SOX5: variants seen among roughly 807,000 people sequenced by gnomAD.
SOX5 encodes the protein SRY-box transcription factor 5.
A neutral mutation model predicts 92.0 loss-of-function variants in SOX5; 9 were observed. That is an observed-to-expected ratio of 0.10 (90% confidence interval 0.06 to 0.17). The LOEUF (loss-of-function observed/expected upper bound fraction) is 0.17. Among genes scored for constraint, SOX5 ranks in the 10% least tolerant of loss-of-function variants. SOX5 has a pLI of 1.00. For synonymous variants in SOX5, 344 were observed against 336.3 expected (o/e 1.02, Z -0.25); for missense variants, 642 against 944.5 (o/e 0.68, Z 4.20).
At chr12:24,186,597 T>C (rs1468749564) in intron 4 of SOX5, among the ~76,000 whole-genome samples, 1 of 152,074 alleles carries the variant, frequency 6.6e-6, no homozygotes, top group Non-Finnish European at 1.5e-5. Context: ...ATTGGATGCA[T>C]TAACTCTGGT....
chr12:24,017,913 G>T (rs886191790), intron 4 of SOX5, among the ~76,000 whole-genome samples: 1 of 152,092 alleles, frequency 6.6e-6, no homozygotes, highest in Non-Finnish European at 1.5e-5. Context: ...GCGTTGTCAG[G>T]GGACTAGGCA....
chr12:24,558,037 A>T (rs904985781), intron 1 of SOX5, among the ~76,000 whole-genome samples: 4 of 152,190 alleles, frequency 2.6e-5, no homozygotes, highest in African/African-American at 9.7e-5. Context: ...GTCCTCATGC[A>T]TGTAAATATT....
chr12:23,960,498 CAT>C (rs931803737), intron 4 of SOX5, among the ~76,000 whole-genome samples: 1 of 131,792 alleles, frequency 7.6e-6, no homozygotes, highest in African/African-American at 2.7e-5. Flanking sequence ...TATTTATATA[CAT>C]ATATATTTAT....
rs3030241 is a variant in SOX5, at chr12:23,611,369, CGTGTGTGTGT to C, written c.1018-6846_1018-6837del. Among the ~76,000 whole-genome samples, 457 of 137,092 alleles carry C rather than the reference CGTGTGTGTGT, an allele frequency of 3.3e-3. 1 individual carries two copies. Among genetic ancestry groups the C allele is most frequent in the African/African-American group, 0.011 (435 of 38,864 alleles). 89.9% of individuals were successfully genotyped at this position (137,092 alleles called of 152,430 possible). ...GTATTCCATCGTGTGTGTGTGTGTG[CGTGTGTGTGT>C]GTGTGTGTGTGTGTGTATTTATACA... On this transcript the variant is annotated intron_variant, in intron 8 of 14. Transcript: ENST00000451604.
chr12:23,603,743 T>C (rs1305240707), intron 9 of SOX5, among the ~76,000 whole-genome samples: 1 of 152,088 alleles, frequency 6.6e-6, no homozygotes, highest in Admixed American at 6.6e-5. Context: ...TAATGTTTTC[T>C]TAGCTTAAAA....
In SOX5 at chr12:23,640,850, C is replaced by T. The variant is rs757148177; in HGVS notation, c.979G>A (p.Ala327Thr). ...QLIPTTMAAA[A>T]AATPGLGPLQ... ...GGGCCTAAGCCTGGTGTTGCTGCGG[C>T]AGCAGCTGCCATGGTAGTTGGGATC... The change falls in exon 8 of 15, where the codon GCC becomes ACC. Residue 327 changes from alanine (A) to threonine (T), a missense_variant. Around this residue, in one of 8 missense-constraint regions of SOX5, gnomAD observed 324 missense variants for 461.6 expected, o/e 0.70. Coordinates refer to ENST00000451604, the MANE Select transcript of SOX5 (RefSeq NM_006940.6). 28 of 1,613,694 alleles carry T rather than the reference C, an allele frequency of 1.7e-5. No individual in the cohort carries two copies. The highest frequency in any genetic ancestry group is 1.7e-6 in the Non-Finnish European group (2 of 1,179,886).
chr12:24,490,319 C>T (rs776466750), intron 1 of SOX5, among the ~76,000 whole-genome samples: 6 of 152,096 alleles, frequency 3.9e-5, no homozygotes, highest in Non-Finnish European at 8.8e-5. Flanking sequence ...GGAATTTTGC[C>T]TTGTGATTTC....
intron 3 of SOX5, among the ~76,000 whole-genome samples, chr12:23,779,333 A>AT (rs1430753181): frequency 6.6e-6 from 1 of 150,866 alleles, no homozygotes; most frequent in Non-Finnish European, 1.5e-5. Context: ...AAATCATGTG[A>AT]TTTTACTTCC....
chr12:23,628,482 A>G (rs1253120595), intron 8 of SOX5, among the ~76,000 whole-genome samples: 1 of 152,116 alleles, frequency 6.6e-6, no homozygotes, highest in Non-Finnish European at 1.5e-5. Context: ...CTAGTAGTAG[A>G]GAAAGCAAGA....
chr12:24,050,084 CA>C (rs10687571), intron 4 of SOX5, among the ~76,000 whole-genome samples: 351 of 74,244 alleles, frequency 4.7e-3, no homozygotes, highest in African/African-American at 0.017. Context: ...GGCGCAGAGG[CA>C]AAAAAAAAAA....
At position 23,530,818 on chromosome 12, in the gene SOX5, T is replaced by TGTGTGTGTGTGTGTGTGTGTGCGTGCGC; in HGVS notation, c.*3400_*3401insGCGCACGCACACACACACACACACACAC. On this transcript the variant is annotated 3_prime_UTR_variant, in exon 15 of 15. Transcript: ENST00000451604. ...GGGCAAGTGTGTGTGTGTGTGTGTG[T>TGTGTGTGTGTGTGTGTGTGTGCGTGCGC]GCGCGCGCGCGCGCGCGCATGTGAG... 1 of 132,052 alleles carries TGTGTGTGTGTGTGTGTGTGTGCGTGCGC rather than the reference T, an allele frequency of 7.6e-6. No individual in the cohort carries two copies. The highest frequency in any genetic ancestry group is 2.8e-5 in the African/African-American group (1 of 36,114). The allele number at this position is 132,052 out of a possible 1,614,324, so 8.2% of individuals were successfully genotyped here. A position where few individuals can be genotyped will look rare whatever the true frequency, so the allele number is the denominator to read the frequency against.
intron 4 of SOX5, among the ~76,000 whole-genome samples, chr12:24,040,787 G>A (rs1956441833): frequency 6.6e-6 from 1 of 152,088 alleles, no homozygotes; most frequent in South Asian, 2.1e-4. Context: ...GCAGGAGAAT[G>A]GCGTACACCT....
At chr12:24,069,170 G>T (rs1339112743) in intron 4 of SOX5, among the ~76,000 whole-genome samples, 4 of 152,092 alleles carry the variant, frequency 2.6e-5, no homozygotes, top group African/African-American at 9.6e-5. Context: ...ATGTTTTTTA[G>T]CACTTTAAGT....
chr12:23,718,781 A>C (rs2140502091), intron 6 of SOX5, among the ~76,000 whole-genome samples: 1 of 152,356 alleles, frequency 6.6e-6, no homozygotes, highest in East Asian at 1.9e-4. Flanking sequence ...AGGAAAAGGA[A>C]AAGACTGAAA....
intron 1 of SOX5, among the ~76,000 whole-genome samples, chr12:24,428,726 CAAAAAAAAAA>C (rs57964050): frequency 1.0e-3 from 33 of 32,596 alleles, no homozygotes; most frequent in South Asian, 2.5e-3. Context: ...CTCTGTTTCT[CAAAAAAAAAA>C]AAAAAAAAAA....
chr12:24,165,763 A>G (rs182498911), intron 4 of SOX5, among the ~76,000 whole-genome samples: 5 of 152,212 alleles, frequency 3.3e-5, no homozygotes, highest in Admixed American at 2.6e-4. Context: ...GAGGAAGAAG[A>G]GAAAGAAAGG....
rs182443584 is a variant in SOX5 at position 23,535,346 on chromosome 12, C to G, written c.1989-824G>C. ...ACTGAGTCTCTGAAACAGTTCTGGCCTCGTAGTGGTAGGAAGCAGGAGCAG... is the reference window on the plus strand; with the variant it reads ...ACTGAGTCTCTGAAACAGTTCTGGCGTCGTAGTGGTAGGAAGCAGGAGCAG... On this transcript the variant is annotated intron_variant, in intron 14 of 14. Transcript: ENST00000451604. Among the ~76,000 whole-genome samples, 33 of 152,232 alleles carry G rather than the reference C, an allele frequency of 2.2e-4. No individual in the cohort carries two copies. In the East Asian group the frequency reaches 6.0e-3, roughly 28 times the overall value.
chr12:24,114,573 CAAAAAAAAAAAAAAAAA>C (rs55913110), intron 4 of SOX5, among the ~76,000 whole-genome samples: 9 of 40,592 alleles, frequency 2.2e-4, no homozygotes, highest in African/African-American at 2.8e-4. Flanking sequence ...CACCCCGTCA[CAAAAAAAAAAAAAAAAA>C]AAAAAAAAAA....
At chr12:23,722,389 G>C (rs1323474499) in intron 6 of SOX5, among the ~76,000 whole-genome samples, 1 of 152,126 alleles carries the variant, frequency 6.6e-6, no homozygotes, top group African/African-American at 2.4e-5. Flanking sequence ...CTCCCTCAGG[G>C]TAAAAATTAC....
Sources: gnomAD v4.1 joint callset for allele counts (sites outside exome capture counted in the v4.1 genomes callset) on GRCh38, gnomAD v4.1.1 for gene constraint, gnomAD v4.1.1 regional missense constraint, MANE v1.5 for transcripts, NCBI Gene and HGNC (gene_info 2026-07-23, HGNC 2026-07-21) for gene names.